Variants in PCDHGA2 observed in about 807,000 individuals in gnomAD.
The protein encoded by PCDHGA2 is protocadherin gamma-A2.
Under a neutral mutation model 59.2 loss-of-function variants are expected in PCDHGA2, and 40 were observed. That is an observed-to-expected ratio of 0.68 (90% confidence interval 0.52 to 0.88). The LOEUF (loss-of-function observed/expected upper bound fraction) is 0.88. Among genes scored for constraint, PCDHGA2 ranks in the 40% least tolerant of loss-of-function variants. The probability of loss-of-function intolerance (pLI) is 0.00; values close to 1 mark genes in which losing one functional copy is unlikely to be tolerated. For missense variants in PCDHGA2, 1,226 were observed against 1,204.0 expected (o/e 1.02, Z -0.27); for synonymous variants, 560 against 526.0 (o/e 1.06, Z -0.89).
rs1303365585 is a variant in PCDHGA2 at position 141,511,350 on chromosome 5, C to A, written c.*177C>A. 2.1e-5 allele frequency: 30 copies of A among 1,397,076 alleles called. No individual in the cohort carries two copies. Among genetic ancestry groups the A allele is most frequent in the African/African-American group, 1.7e-4 (12 of 68,780 alleles). The allele number at this position is 1,397,076 out of a possible 1,614,324, so 86.5% of individuals were successfully genotyped here. Reference sequence around the variant, plus strand: ...CCCAGTCAGCACCTACCCCTTCCCCCCCAGGGGGTTGAATATGCAAAAGCA... The same window carrying A: ...CCCAGTCAGCACCTACCCCTTCCCCACCAGGGGGTTGAATATGCAAAAGCA... On this transcript the variant is annotated 3_prime_UTR_variant, in exon 4 of 4. Transcript: ENST00000394576.
intron 1 of PCDHGA2, chr5:141,416,087 G>A (rs1201318552): frequency 1.2e-5 from 2 of 165,800 alleles, no homozygotes; most frequent in East Asian, 3.3e-4. Flanking sequence ...TTCCCAAGGA[G>A]AAGGGCAATA....
chr5:141,370,764 C>T (rs2149970844), intron 1 of PCDHGA2: 2 of 1,613,908 alleles, frequency 1.2e-6, no homozygotes, highest in Non-Finnish European at 1.7e-6. Flanking sequence ...TGTGCTGATC[C>T]AGGATATTAA....
chr5:141,351,924 C>T, intron 1 of PCDHGA2: 6 of 1,613,314 alleles, frequency 3.7e-6, no homozygotes, highest in Non-Finnish European at 5.1e-6. Context: ...AATGACAATG[C>T]GCCACGGGTG....
Position 141,476,944 on chromosome 5 carries a change from C to T in PCDHGA2, c.2425-17863C>T, listed in dbSNP as rs1360022622. The T allele has an allele frequency of 3.3e-5, 53 of 1,614,072 alleles. No homozygotes were observed. The highest frequency in any genetic ancestry group is 4.1e-5 in the Non-Finnish European group (48 of 1,180,052). ...CAACGGATCTGGATGAAGGCCCCAACGGTGAAATTATTTACTCCTTCGGCA... is the reference window on the plus strand; with the variant it reads ...CAACGGATCTGGATGAAGGCCCCAATGGTGAAATTATTTACTCCTTCGGCA... On this transcript the variant is annotated intron_variant, in intron 1 of 3. Transcript: ENST00000394576. The surrounding 1 kb of genome is among the most constrained non-coding windows in gnomAD (Gnocchi z 7.6).
chr5:141,374,114 A>G, intron 1 of PCDHGA2: 1 of 1,580,920 alleles, frequency 6.3e-7, no homozygotes, highest in Non-Finnish European at 8.6e-7. Flanking sequence ...TCCGCAGCGC[A>G]GCGAGCAGGT....
At position 141,485,287 on chromosome 5, in the gene PCDHGA2, G is replaced by A. The variant is rs1396496143; in HGVS notation, c.2425-9520G>A. 5.0e-6 allele frequency: 8 copies of A among 1,614,064 alleles called. No individual in the cohort carries two copies. The highest frequency in any genetic ancestry group is 6.8e-6 in the Non-Finnish European group (8 of 1,180,002). On this transcript the variant is annotated intron_variant, in intron 1 of 3. Transcript: ENST00000394576. The surrounding 1 kb of genome is among the most constrained non-coding windows in gnomAD (Gnocchi z 5.7). ...AGATCCGCTACCCGGTCCCAGAGGA[G>A]TCACAGGAAGGGACTTTTGTAGGGA...
Position 141,364,613 on chromosome 5 carries a change from C to G in PCDHGA2, c.2424+23218C>G, listed in dbSNP as rs776128638. 7 of 1,614,052 alleles carry G rather than the reference C, an allele frequency of 4.3e-6. No homozygotes were observed. The East Asian group carries it at 1.6e-4, about 36-fold the overall frequency. On this transcript the variant is annotated intron_variant, in intron 1 of 3. Coordinates refer to ENST00000394576, the MANE Select transcript of PCDHGA2 (RefSeq NM_018915.4). ...CGCGGGCAGGATAGACCGGGAGGAGCTCTGCGCTCAGAGCCCACTGTGTGT... is the reference window on the plus strand; with the variant it reads ...CGCGGGCAGGATAGACCGGGAGGAGGTCTGCGCTCAGAGCCCACTGTGTGT...
At position 141,344,750 on chromosome 5, in the gene PCDHGA2, A is replaced by G. The variant is rs1182419030; in HGVS notation, c.2424+3355A>G. ...TAGTCCTGGATGCAAATGACAACCC[A>G]CCAATGTTTACTCAGCCTGAGTACC... On this transcript the variant is annotated intron_variant, in intron 1 of 3. Coordinates refer to ENST00000394576, the MANE Select transcript of PCDHGA2 (RefSeq NM_018915.4). 3 of 1,613,744 alleles carry G rather than the reference A, an allele frequency of 1.9e-6. No individual in the cohort carries two copies. The East Asian group carries it at 6.7e-5, about 36-fold the overall frequency.
rs751302023 is a variant in PCDHGA2 at position 141,364,590 on chromosome 5, C to A, written c.2424+23195C>A. 3.1e-6 allele frequency: 5 copies of A among 1,614,196 alleles called. No homozygotes were observed. The South Asian group carries it at 3.3e-5, about 11-fold the overall frequency. ...CCGCGAAGCGGCAGCTTGGTCACCG[C>A]GGGCAGGATAGACCGGGAGGAGCTC... On this transcript the variant is annotated intron_variant, in intron 1 of 3. Coordinates refer to ENST00000394576, the MANE Select transcript of PCDHGA2 (RefSeq NM_018915.4).
At position 141,366,500 on chromosome 5, in the gene PCDHGA2, C is replaced by T. The variant is rs538032302; in HGVS notation, c.2424+25105C>T. The T allele has an allele frequency of 1.5e-5, 24 of 1,614,276 alleles. No homozygotes were observed. In the South Asian group the frequency reaches 2.3e-4, roughly 16 times the overall value. On this transcript the variant is annotated intron_variant, in intron 1 of 3. Coordinates refer to ENST00000394576, the MANE Select transcript of PCDHGA2 (RefSeq NM_018915.4). The stretch of plus-strand genomic sequence containing the variant: ...ACTGAGGCGCTGGCACAAGTCACGC[C>T]TGCTTCAGGCTGAAGGCAGCAGGTT...
At position 141,431,595 on chromosome 5, in the gene PCDHGA2, A is replaced by G; in HGVS notation, c.2425-63212A>G. The G allele has an allele frequency of 6.2e-7, 1 of 1,614,218 alleles. No homozygotes were observed. The highest frequency in any genetic ancestry group is 8.5e-7 in the Non-Finnish European group (1 of 1,180,034). On this transcript the variant is annotated intron_variant, in intron 1 of 3. Transcript: ENST00000394576. The surrounding 1 kb of genome is among the most constrained non-coding windows in gnomAD (Gnocchi z 4.8). Reference sequence around the variant, plus strand: ...GAAGGAGTCAATGCGGAAGTGAGGTATTCCTTCCGGTATGTGGACGACAAG... The same window carrying G: ...GAAGGAGTCAATGCGGAAGTGAGGTGTTCCTTCCGGTATGTGGACGACAAG...
rs779065098 is a variant in PCDHGA2, at chr5:141,491,758, C to G, written c.2425-3049C>G. The G allele has an allele frequency of 1.9e-6, 3 of 1,578,788 alleles. No individual in the cohort carries two copies. The highest frequency in any genetic ancestry group is 1.7e-4 in the Middle Eastern group (1 of 5,954). ...TGGGGGCGGCACTGGAGAAGCCGCCCGTCCTCATAAGGGATTGAACTTGCA... is the reference window on the plus strand; with the variant it reads ...TGGGGGCGGCACTGGAGAAGCCGCCGGTCCTCATAAGGGATTGAACTTGCA... On this transcript the variant is annotated intron_variant, in intron 1 of 3. Transcript: ENST00000394576. This position sits in a 1 kb window ranked among gnomAD's most constrained non-coding sequence, Gnocchi z 6.9.
chr5:141,351,058 G>A, intron 1 of PCDHGA2: 1 of 1,614,064 alleles, frequency 6.2e-7, no homozygotes, highest in African/African-American at 1.3e-5. Flanking sequence ...CCACAGACCA[G>A]GATGAGGGCA....
chr5:141,486,337 C>T lies in PCDHGA2; in HGVS notation c.2425-8470C>T, dbSNP rs116799150. On this transcript the variant is annotated intron_variant, in intron 1 of 3. Coordinates refer to ENST00000394576, the MANE Select transcript of PCDHGA2 (RefSeq NM_018915.4). The surrounding 1 kb of genome is among the most constrained non-coding windows in gnomAD (Gnocchi z 5.0). ...GGTCAAACGGAGATGTGAGCCTCCG[C>T]ATTCCTGACCACTTGCCATTTGCCC... 1 of 1,614,076 alleles carries T rather than the reference C, an allele frequency of 6.2e-7. No homozygotes were observed. Among genetic ancestry groups the T allele is most frequent in the Non-Finnish European group, 8.5e-7 (1 of 1,179,966 alleles).
chr5:141,415,029 G>A (rs777967290), intron 1 of PCDHGA2: 4 of 1,613,436 alleles, frequency 2.5e-6, no homozygotes, highest in Non-Finnish European at 3.4e-6. Flanking sequence ...CCAGCGAGCC[G>A]GGACTCTTCG....
intron 1 of PCDHGA2, chr5:141,408,394 C>T: frequency 6.2e-7 from 1 of 1,614,034 alleles, no homozygotes; most frequent in Non-Finnish European, 8.5e-7. Flanking sequence ...TGTCGGCTCG[C>T]AAGCTGCGAG....
At chr5:141,414,241 C>T in intron 1 of PCDHGA2, 1 of 1,613,472 alleles carries the variant, frequency 6.2e-7, no homozygotes, top group Non-Finnish European at 8.5e-7. Context: ...CATCACGTCT[C>T]TATTTAGTCC....
At chr5:141,387,441 T>G (rs2150335837) in intron 1 of PCDHGA2, among the ~76,000 whole-genome samples, 1 of 152,370 alleles carries the variant, frequency 6.6e-6, no homozygotes, top group South Asian at 2.1e-4. Flanking sequence ...ATGTACTTAA[T>G]CTACATGATT....
intron 1 of PCDHGA2, chr5:141,361,467 C>T (rs1431516547): frequency 1.2e-6 from 2 of 1,614,046 alleles, no homozygotes; most frequent in African/African-American, 1.3e-5. Flanking sequence ...ACATCTCCGA[C>T]GTCAACGATA....
Sources: allele counts gnomAD v4.1 joint callset (sites outside exome capture counted in the v4.1 genomes callset), GRCh38; gene constraint gnomAD v4.1.1; non-coding constraint Gnocchi (gnomAD v3.1); transcripts MANE v1.5; gene names NCBI Gene and HGNC (gene_info 2026-07-23, HGNC 2026-07-21).